Variants in LRRIQ3 observed in about 807,000 individuals in gnomAD.
LRRIQ3 encodes leucine-rich repeat and IQ domain-containing protein 3.
Under a neutral mutation model 59.3 loss-of-function variants are expected in LRRIQ3, and 75 were observed. That is an observed-to-expected ratio of 1.26 (90% CI 1.05 to 1.53). LRRIQ3 has a LOEUF of 1.53. Ranked by LOEUF, LRRIQ3 falls within the 40% of genes most tolerant of loss-of-function variation. The pLI, the probability that LRRIQ3 is intolerant of heterozygous loss-of-function variation, is 0.00. For synonymous variants in LRRIQ3, 250 were observed against 231.3 expected, an observed-to-expected ratio of 1.08 and a Z score of -0.73; for missense variants, 831 against 710.0, an observed-to-expected ratio of 1.17 and a Z score of -1.94.
chr1:74,123,669 G>A (rs1402032895), intron 4 of LRRIQ3, among the ~76,000 whole-genome samples: 2 of 152,018 alleles, frequency 1.3e-5, no homozygotes, highest in African/African-American at 2.4e-5. Context: ...ATTTCATTGT[G>A]TATATGTACC....
At chr1:74,096,184 T>C (rs551315820) in intron 5 of LRRIQ3, among the ~76,000 whole-genome samples, 112 of 152,174 alleles carry the variant, frequency 7.4e-4, no homozygotes, top group African/African-American at 2.6e-3. Flanking sequence ...TTCATATCTG[T>C]TTATATATTA....
intron 4 of LRRIQ3, among the ~76,000 whole-genome samples, chr1:74,130,210 G>T (rs575888064): frequency 2.0e-5 from 3 of 152,026 alleles, no homozygotes; most frequent in Non-Finnish European, 4.4e-5. Flanking sequence ...TGCCTTTCAA[G>T]TTAATGTAGG....
At chr1:74,102,728 C>G (rs976892085) in intron 5 of LRRIQ3, among the ~76,000 whole-genome samples, 1 of 151,900 alleles carries the variant, frequency 6.6e-6, no homozygotes, top group South Asian at 2.1e-4. Flanking sequence ...TTTGATAAAC[C>G]CTCTGTTCAA....
At chr1:74,197,555 T>C (rs1025766748) in intron 1 of LRRIQ3, among the ~76,000 whole-genome samples, 5 of 152,172 alleles carry the variant, frequency 3.3e-5, no homozygotes, top group African/African-American at 1.2e-4. Context: ...TTAATCTGCA[T>C]ATACAAAAGA....
At chr1:74,029,322 G>A (rs1440718269) in intron 7 of LRRIQ3, among the ~76,000 whole-genome samples, 2 of 152,080 alleles carry the variant, frequency 1.3e-5, no homozygotes, top group East Asian at 1.9e-4. Flanking sequence ...TCCAGTTTTT[G>A]CCCATTCAGT....
intron 6 of LRRIQ3, among the ~76,000 whole-genome samples, chr1:74,052,781 CT>C (rs956665414): frequency 3.9e-5 from 6 of 151,906 alleles, no homozygotes; most frequent in Non-Finnish European, 4.4e-5. Context: ...TCTGCAGTTC[CT>C]TTTTTTCATA....
At chr1:74,048,743 C>T (rs917673133) in intron 6 of LRRIQ3, among the ~76,000 whole-genome samples, 5 of 152,034 alleles carry the variant, frequency 3.3e-5, no homozygotes, top group African/African-American at 7.2e-5. Context: ...TGTCTTTACT[C>T]GTAAATGTTT....
chr1:74,196,529 AC>A (rs1651144684), intron 1 of LRRIQ3, among the ~76,000 whole-genome samples: 1 of 152,122 alleles, frequency 6.6e-6, no homozygotes, highest in South Asian at 2.1e-4. Flanking sequence ...AACTTCCATT[AC>A]ATATTCACTG....
chr1:74,196,420 T>G (rs1440167315), intron 1 of LRRIQ3, among the ~76,000 whole-genome samples: 1 of 152,152 alleles, frequency 6.6e-6, no homozygotes, highest in Non-Finnish European at 1.5e-5. Context: ...ATTAATTCTA[T>G]CTTCTTGCTG....
At chr1:74,072,891 A>T (rs114160164) in intron 6 of LRRIQ3, among the ~76,000 whole-genome samples, 5,096 of 152,226 alleles carry the variant, frequency 0.033, 307 homozygotes, top group African/African-American at 0.12. Flanking sequence ...TATAATTCAT[A>T]CATATATATT....
At chr1:74,120,746 A>T (rs1473080753) in intron 4 of LRRIQ3, among the ~76,000 whole-genome samples, 1 of 152,056 alleles carries the variant, frequency 6.6e-6, no homozygotes, top group Non-Finnish European at 1.5e-5. Flanking sequence ...TAAATAGCTC[A>T]GTCTTTTAAA....
At chr1:74,054,715 A>G (rs1299017219) in intron 6 of LRRIQ3, among the ~76,000 whole-genome samples, 3 of 147,784 alleles carry the variant, frequency 2.0e-5, no homozygotes, top group African/African-American at 7.4e-5. Flanking sequence ...AAAGTTTATT[A>G]ATTACAAAAA....
chr1:74,057,516 A>G (rs1445056225), intron 6 of LRRIQ3, among the ~76,000 whole-genome samples: 1 of 152,160 alleles, frequency 6.6e-6, no homozygotes, highest in Non-Finnish European at 1.5e-5. Context: ...TTTTTAATAA[A>G]TGGTGCTGCA....
chr1:74,057,906 C>A (rs1384680800), intron 6 of LRRIQ3, among the ~76,000 whole-genome samples: 1 of 151,996 alleles, frequency 6.6e-6, no homozygotes, highest in African/African-American at 2.4e-5. Context: ...AAAAAATAGT[C>A]AAAATCCCTG....
At chr1:74,123,585 A>T (rs1176952776) in intron 4 of LRRIQ3, among the ~76,000 whole-genome samples, 3 of 152,102 alleles carry the variant, frequency 2.0e-5, no homozygotes, top group African/African-American at 7.2e-5. Context: ...TATTTCACTT[A>T]ACATAATGAC....
At chr1:74,158,354 G>C (rs1648465081) in intron 3 of LRRIQ3, among the ~76,000 whole-genome samples, 1 of 151,860 alleles carries the variant, frequency 6.6e-6, no homozygotes, top group Non-Finnish European at 1.5e-5. Context: ...CAAATGTCTT[G>C]GTTTGCCACA....
intron 5 of LRRIQ3, among the ~76,000 whole-genome samples, chr1:74,075,180 G>A (rs1478464089): frequency 6.6e-6 from 1 of 152,044 alleles, no homozygotes. Context: ...ATTTCACAGA[G>A]CACTAAAAGG....
At chr1:74,078,919 T>G (rs1017407040) in intron 5 of LRRIQ3, among the ~76,000 whole-genome samples, 8 of 151,866 alleles carry the variant, frequency 5.3e-5, no homozygotes, top group African/African-American at 1.9e-4. Context: ...ATACTTAGAA[T>G]TTGTTATTTA....
At chr1:74,122,299 C>T (rs1200492575) in intron 4 of LRRIQ3, among the ~76,000 whole-genome samples, 1 of 152,078 alleles carries the variant, frequency 6.6e-6, no homozygotes, top group Admixed American at 6.6e-5. Context: ...GATGTTATCT[C>T]ATAGTTTTGA....
Sources: allele counts gnomAD v4.1 joint callset (sites outside exome capture counted in the v4.1 genomes callset), GRCh38; gene constraint gnomAD v4.1.1; transcripts MANE v1.5; gene names NCBI Gene and HGNC (gene_info 2026-07-23, HGNC 2026-07-21).